Variants in TRIO observed in about 807,000 individuals in gnomAD.
TRIO encodes the protein trio Rho guanine nucleotide exchange factor, also known as triple functional domain protein.
TRIO carries 58 observed loss-of-function variants against 351.9 expected under a neutral mutation model. That is an observed-to-expected ratio of 0.16 (90% CI 0.13 to 0.21). The LOEUF is 0.21. Among genes scored for constraint, TRIO ranks in the 10% least tolerant of loss-of-function variants. The pLI is 1.00. For missense variants in TRIO, 3,201 were observed against 4,027.8 expected (o/e 0.79, Z 5.56); for synonymous variants, 1,758 against 1,595.7 (o/e 1.10, Z -2.42).
chr5:14,306,387 AT>A (rs917159726), intron 8 of TRIO, among the ~76,000 whole-genome samples: 4 of 152,178 alleles, frequency 2.6e-5, no homozygotes, highest in African/African-American at 9.7e-5. Flanking sequence ...CACATTTATA[AT>A]TTTTTTAATC....
intron 29 of TRIO, 24 bp downstream of exon 29, chr5:14,397,178 T>C (rs371336172): frequency 3.2e-4 from 503 of 1,556,384 alleles, no homozygotes; most frequent in Non-Finnish European, 4.2e-4. Context: ...CATACCCCAG[T>C]GTGCATCTAT....
chr5:14,239,758 G>A (rs1401599025), intron 1 of TRIO, among the ~76,000 whole-genome samples: 1 of 152,184 alleles, frequency 6.6e-6, no homozygotes, highest in African/African-American at 2.4e-5. Context: ...ATGACTATGA[G>A]ATTTAGAACA....
At chr5:14,457,849 C>G (rs1429385698) in intron 34 of TRIO, among the ~76,000 whole-genome samples, 1 of 152,128 alleles carries the variant, frequency 6.6e-6, no homozygotes, top group African/African-American at 2.4e-5. Flanking sequence ...GGTCAGAATA[C>G]TTGGTAGGTG....
At chr5:14,420,444 C>T (rs1368625982) in intron 34 of TRIO, 2 of 162,100 alleles carry the variant, frequency 1.2e-5, no homozygotes, top group East Asian at 3.6e-4. Flanking sequence ...AGTAGTTCTC[C>T]TGATTAATTA....
At chr5:14,479,860 TA>T in intron 42 of TRIO, 58 bp from the exon 43 acceptor site, 1 of 1,520,284 alleles carries the variant, frequency 6.6e-7, no homozygotes, top group Non-Finnish European at 9.1e-7. Context: ...TTACAAAGAC[TA>T]AAAAATTGCC....
At chr5:14,334,409 C>T (rs552479802) in intron 10 of TRIO, among the ~76,000 whole-genome samples, 9 of 152,252 alleles carry the variant, frequency 5.9e-5, no homozygotes, top group Admixed American at 6.5e-5. Context: ...GGCTGTTTCA[C>T]GTCTCAGATC....
rs546713054 is a variant in TRIO, at chr5:14,350,748, C to T, written c.2047-7430C>T. 2.6e-5 allele frequency among the ~76,000 whole-genome samples: 4 copies of T among 152,166 alleles called. No homozygotes were observed. In the East Asian group the frequency reaches 7.7e-4, roughly 29 times the overall value. On this transcript the variant is annotated intron_variant, in intron 11 of 56. Coordinates refer to ENST00000344204, the MANE Select transcript of TRIO (RefSeq NM_007118.4). ...CTTCATGATGCTAACTTTGGTTTGC[C>T]CTCTGTTCCTCCCCACCTCCACCCC...
In TRIO at chr5:14,185,591, G is replaced by T. The variant is rs544112175; in HGVS notation, c.157+41709G>T. Among the ~76,000 whole-genome samples the T allele has an allele frequency of 2.0e-5, 3 of 152,320 alleles. No individual in the cohort carries two copies. The South Asian group carries it at 6.2e-4, about 32-fold the overall frequency. Reference sequence around the variant, plus strand: ...TGAAGAGCAGGGAGAAACTGGGGCAGCTCTTCTCAGGCCAAATGCCTAGGA... The same window carrying T: ...TGAAGAGCAGGGAGAAACTGGGGCATCTCTTCTCAGGCCAAATGCCTAGGA... On this transcript the variant is annotated intron_variant, in intron 1 of 56. Coordinates refer to ENST00000344204, the MANE Select transcript of TRIO (RefSeq NM_007118.4).
At chr5:14,358,079 A>G in intron 11 of TRIO, 99 bp from the exon 12 acceptor site, 1 of 1,413,328 alleles carries the variant, frequency 7.1e-7, no homozygotes, top group Non-Finnish European at 9.5e-7. Context: ...TCCCAGGGCA[A>G]GTCACACACC....
At chr5:14,351,270 G>A (rs1743070102) in intron 11 of TRIO, among the ~76,000 whole-genome samples, 1 of 152,140 alleles carries the variant, frequency 6.6e-6, no homozygotes, top group Non-Finnish European at 1.5e-5. Flanking sequence ...ATTTCAGACA[G>A]AGGAACATGC....
chr5:14,206,067 T>A (rs1211907483), intron 1 of TRIO, among the ~76,000 whole-genome samples: 2 of 151,788 alleles, frequency 1.3e-5, no homozygotes, highest in Non-Finnish European at 2.9e-5. Flanking sequence ...ACTTTTTATT[T>A]ATTTTTATTT....
intron 36 of TRIO, among the ~76,000 whole-genome samples, chr5:14,464,737 G>A (rs1432727249): frequency 6.6e-6 from 1 of 152,216 alleles, no homozygotes; most frequent in Admixed American, 6.5e-5. Flanking sequence ...CCCGCTGTGG[G>A]TCGCATGCCT....
intron 1 of TRIO, among the ~76,000 whole-genome samples, chr5:14,151,080 T>G (rs746145575): frequency 1.3e-5 from 2 of 152,174 alleles, no homozygotes; most frequent in Non-Finnish European, 2.9e-5. Context: ...GCCTCACAGT[T>G]CCTGGTGCGA....
chr5:14,279,565 A>G (rs1253833364), intron 2 of TRIO, among the ~76,000 whole-genome samples: 1 of 152,240 alleles, frequency 6.6e-6, no homozygotes, highest in Non-Finnish European at 1.5e-5. Flanking sequence ...GTAATAAAAT[A>G]AATGTGACAA....
intron 1 of TRIO, among the ~76,000 whole-genome samples, chr5:14,200,653 G>A (rs245513): frequency 0.058 from 8,846 of 152,276 alleles, 337 homozygotes; most frequent in African/African-American, 0.1. Flanking sequence ...CCTAACAACT[G>A]TAGAGTGGCT....
At chr5:14,409,985 A>G (rs988021824) in intron 33 of TRIO, among the ~76,000 whole-genome samples, 1 of 152,090 alleles carries the variant, frequency 6.6e-6, no homozygotes, top group African/African-American at 2.4e-5. Flanking sequence ...ATGGTTAACC[A>G]TCTTGAAGGA....
intron 34 of TRIO, among the ~76,000 whole-genome samples, chr5:14,421,093 C>T (rs964501872): frequency 6.6e-6 from 1 of 152,114 alleles, no homozygotes; most frequent in Non-Finnish European, 1.5e-5. Context: ...CCTCACAAAC[C>T]CTCTAATGCC....
rs889449099 is a variant in TRIO at position 14,191,101 on chromosome 5, A to G, written c.157+47219A>G. Among the ~76,000 whole-genome samples the G allele has an allele frequency of 9.2e-5, 14 of 152,174 alleles. 1 individual carries two copies. Among genetic ancestry groups the G allele is most frequent in the Non-Finnish European group, 1.5e-5 (1 of 68,028 alleles). Reference sequence around the variant, plus strand: ...AGGGACATGGGACATGGTGGCTCGCACTGTGTTGACCAGCAGCCCCTGTTC... The same window carrying G: ...AGGGACATGGGACATGGTGGCTCGCGCTGTGTTGACCAGCAGCCCCTGTTC... On this transcript the variant is annotated intron_variant, in intron 1 of 56. Coordinates refer to ENST00000344204, the MANE Select transcript of TRIO (RefSeq NM_007118.4).
At chr5:14,242,512 G>A (rs56226439) in intron 1 of TRIO, among the ~76,000 whole-genome samples, 21,252 of 152,194 alleles carry the variant, frequency 0.14, 2,047 homozygotes, top group East Asian at 0.4. Context: ...GCATAAAGGA[G>A]TTCTGGTTTT....
Sources: allele counts gnomAD v4.1 joint callset (sites outside exome capture counted in the v4.1 genomes callset), GRCh38; gene constraint gnomAD v4.1.1; transcripts MANE v1.5; gene names NCBI Gene and HGNC (gene_info 2026-07-23, HGNC 2026-07-21).